The following DIP2C variants were observed in gnomAD, a reference collection of about 807,000 sequenced individuals.
DIP2C encodes DIP2 acetate--CoA ligase C (putative).
A neutral mutation model predicts 192.4 loss-of-function variants in DIP2C; 33 were observed. That is an observed-to-expected ratio of 0.17 (90% CI 0.13 to 0.23). The LOEUF (loss-of-function observed/expected upper bound fraction) is 0.23. DIP2C is among the 10% of genes least tolerant of loss of function. The probability of loss-of-function intolerance (pLI) is 1.00; values close to 1 mark genes in which losing one functional copy is unlikely to be tolerated. For synonymous variants in DIP2C, 979 were observed against 864.1 expected, an observed-to-expected ratio of 1.13 and a Z score of -2.33; for missense variants, 1,537 against 2,110.1, an observed-to-expected ratio of 0.73 and a Z score of 5.32.
intron 9 of DIP2C, among the ~76,000 whole-genome samples, chr10:407,488 A>C (rs927497912): frequency 1.3e-5 from 2 of 152,102 alleles, no homozygotes; most frequent in East Asian, 1.9e-4. Context: ...TTCCATGTTT[A>C]ATTCTTTGAG....
chr10:566,046 C>T (rs1176403886), intron 1 of DIP2C, among the ~76,000 whole-genome samples: 1 of 152,184 alleles, frequency 6.6e-6, no homozygotes, highest in African/African-American at 2.4e-5. Context: ...ATTCCAAACT[C>T]ACCAGAAAAA....
chr10:385,130 C>T (rs191587376), intron 14 of DIP2C, among the ~76,000 whole-genome samples: 1 of 151,346 alleles, frequency 6.6e-6, no homozygotes, highest in East Asian at 2.0e-4. Flanking sequence ...CATGGAGCAC[C>T]GTGGACGCCA....
chr10:310,923 G>A (rs763734296), intron 31 of DIP2C, among the ~76,000 whole-genome samples: 3 of 152,000 alleles, frequency 2.0e-5, no homozygotes, highest in Non-Finnish European at 4.4e-5. Context: ...AAATAAGGGA[G>A]CCCTTCAGAA....
chr10:651,318 C>T lies in DIP2C; in HGVS notation c.85+38176G>A, dbSNP rs139428198. On this transcript the variant is annotated intron_variant, in intron 1 of 36. Coordinates refer to ENST00000280886, the MANE Select transcript of DIP2C (RefSeq NM_014974.3). This position sits in a 1 kb window ranked among gnomAD's most constrained non-coding sequence, Gnocchi z 4.1. ...ACAAGCAGAGCCACCAACGTGGACA[C>T]GATCCCATCAGGAACCACCTACTTT... 1,154 of 706,300 alleles carry T rather than the reference C, an allele frequency of 1.6e-3. 12 individuals are homozygous for T. The African/African-American group carries it at 0.018, about 11-fold the overall frequency. The allele number at this position is 706,300 out of a possible 1,614,324, so 43.8% of individuals were successfully genotyped here.
chr10:560,972 C>A lies in DIP2C; in HGVS notation c.86-74442G>T, dbSNP rs567531334. Among the ~76,000 whole-genome samples, 12 of 152,218 alleles carry A rather than the reference C, an allele frequency of 7.9e-5. 1 individual carries two copies. The South Asian group carries it at 2.3e-3, about 29-fold the overall frequency. ...GTCTCCACACAACCCCTTAATCGTA[C>A]AACTCTCTCAACCAACTGTCAATCA... On this transcript the variant is annotated intron_variant, in intron 1 of 36. Coordinates refer to ENST00000280886, the MANE Select transcript of DIP2C (RefSeq NM_014974.3).
In DIP2C at chr10:320,775, G is replaced by GA. The variant is rs376176619; in HGVS notation, c.3924+6230dup. ...CTCTACAAACACTAACAACAACAAA[G>GA]AAAAAACTGTGTTCTGTAAAACAGC... On this transcript the variant is annotated intron_variant, in intron 31 of 36. Coordinates refer to ENST00000280886, the MANE Select transcript of DIP2C (RefSeq NM_014974.3). 1.7e-3 allele frequency among the ~76,000 whole-genome samples: 260 copies of GA among 152,218 alleles called. 1 individual carries two copies. The highest frequency in any genetic ancestry group is 6.0e-3 in the African/African-American group (249 of 41,536).
chr10:378,505 A>G (rs1195168496), intron 17 of DIP2C, among the ~76,000 whole-genome samples: 1 of 150,964 alleles, frequency 6.6e-6, no homozygotes, highest in Non-Finnish European at 1.5e-5. Flanking sequence ...AGACATGCAT[A>G]AAGACACGTG....
At chr10:586,567 C>T (rs1356434791) in intron 1 of DIP2C, among the ~76,000 whole-genome samples, 1 of 152,216 alleles carries the variant, frequency 6.6e-6, no homozygotes, top group Non-Finnish European at 1.5e-5. Context: ...AAGGTGCCCT[C>T]ATTTACTTCT....
chr10:364,573 T>C lies in DIP2C; in HGVS notation c.2278A>G (p.Met760Val). 6 of 1,613,800 alleles carry C rather than the reference T, an allele frequency of 3.7e-6. No individual in the cohort carries two copies. The highest frequency in any genetic ancestry group is 1.1e-5 in the South Asian group (1 of 91,074). Residue 760 changes from methionine to valine, a missense_variant, in exon 20 of 37, where the codon ATG becomes GTG. Physicochemically the swap from Met to Val is conservative, Grantham distance 21 (BLOSUM62 1). Around this residue, in one of 4 missense-constraint regions of DIP2C, gnomAD observed 677 missense variants for 989.9 expected, o/e 0.68. Coordinates refer to ENST00000280886, the MANE Select transcript of DIP2C (RefSeq NM_014974.3). ...MTKNTFEVFP[M>V]TSSGAPISEY... is the part of the protein sequence containing the mutation. The stretch of plus-strand genomic sequence containing the variant: ...CTGATCGGAGCCCCGGAGCTTGTCA[T>C]GGGAAACACCTGGGGGAAACAGCAT...
chr10:358,037 G>A (rs995444678), intron 22 of DIP2C, 100 bp from the exon 23 acceptor site: 4 of 770,602 alleles, frequency 5.2e-6, no homozygotes, highest in Admixed American at 2.7e-5. Flanking sequence ...GAAAACTTCT[G>A]GAAAGACCTG....
intron 23 of DIP2C, 120 bp from the exon 24 acceptor site, chr10:356,626 G>A (rs1002334492): frequency 2.6e-5 from 19 of 736,614 alleles, no homozygotes; most frequent in Admixed American, 5.8e-5. Context: ...TCTTAAAACC[G>A]CATGCTTCTC....
chr10:317,214 C>G (rs7919911), intron 31 of DIP2C, among the ~76,000 whole-genome samples: 1,971 of 152,324 alleles, frequency 0.013, 49 homozygotes, highest in African/African-American at 0.045. Context: ...GAATGGATTA[C>G]TGGTGGGGTG....
intron 1 of DIP2C, among the ~76,000 whole-genome samples, chr10:534,798 TC>T (rs2130875847): frequency 6.6e-6 from 1 of 151,340 alleles, no homozygotes; most frequent in South Asian, 2.1e-4. Context: ...TGCCTCAGCC[TC>T]CCGAGTAGCT....
rs572159059 is a variant in DIP2C, at chr10:587,277, G to T, written c.86-100747C>A. On this transcript the variant is annotated intron_variant, in intron 1 of 36. Transcript: ENST00000280886. ...CAGGGTCTAAGGCTGGACCACCCAG[G>T]GTCCCGCTGATACCATGACTTCAGG... is the stretch of plus-strand genomic sequence containing the variant. 9.2e-5 allele frequency among the ~76,000 whole-genome samples: 14 copies of T among 152,296 alleles called. No individual in the cohort carries two copies. In the South Asian group the frequency reaches 2.7e-3, roughly 29 times the overall value.
At chr10:617,078 G>C (rs1853518501) in intron 1 of DIP2C, among the ~76,000 whole-genome samples, 1 of 152,166 alleles carries the variant, frequency 6.6e-6, no homozygotes. Context: ...CACACAACGG[G>C]GTTCACAGGC....
chr10:347,391 G>T (rs1222970916), intron 26 of DIP2C, among the ~76,000 whole-genome samples: 1 of 113,348 alleles, frequency 8.8e-6, no homozygotes, highest in South Asian at 3.0e-4. Flanking sequence ...TCCCGGAAAC[G>T]TCACACGCAC....
chr10:474,442 A>ACG (rs1970899883), intron 2 of DIP2C, among the ~76,000 whole-genome samples: 1 of 152,180 alleles, frequency 6.6e-6, no homozygotes, highest in Non-Finnish European at 1.5e-5. Context: ...CTTCCTGCCC[A>ACG]CGATCAAACA....
intron 3 of DIP2C, among the ~76,000 whole-genome samples, chr10:463,492 G>A (rs954229584): frequency 6.6e-6 from 1 of 152,098 alleles, no homozygotes; most frequent in Non-Finnish European, 1.5e-5. Context: ...AAGGAAAGAA[G>A]AGAAGACACA....
intron 4 of DIP2C, among the ~76,000 whole-genome samples, chr10:423,413 T>G (rs868302159): frequency 1.1e-4 from 16 of 152,070 alleles, no homozygotes; most frequent in African/African-American, 2.9e-4. Context: ...CTCTCAGGAG[T>G]CTCAGTGTGA....
Sources: allele counts gnomAD v4.1 joint callset (sites outside exome capture counted in the v4.1 genomes callset), GRCh38; gene constraint gnomAD v4.1.1; regional missense constraint gnomAD v4.1.1; non-coding constraint Gnocchi (gnomAD v3.1); transcripts MANE v1.5; gene names NCBI Gene and HGNC (gene_info 2026-07-23, HGNC 2026-07-21).